The following NRXN3 variants were observed in gnomAD, a reference collection of about 807,000 sequenced individuals.
The protein encoded by NRXN3 is neurexin III.
In NRXN3, 32 loss-of-function variants were observed where a neutral mutation model predicts 137.6. The ratio of observed to expected loss-of-function variants is 0.23; its 90% CI spans 0.18 to 0.31. NRXN3 has a LOEUF of 0.31. NRXN3 is among the 10% of genes least tolerant of loss of function. The probability of loss-of-function intolerance (pLI) is 1.00; values close to 1 mark genes in which losing one functional copy is unlikely to be tolerated. For synonymous variants in NRXN3, 798 were observed against 784.5 expected (o/e 1.02, Z -0.29); for missense variants, 1,574 against 2,062.5 (o/e 0.76, Z 4.59).
chr14:79,857,655 AT>A (rs2099405674), intron 20 of NRXN3, among the ~76,000 whole-genome samples: 2 of 152,188 alleles, frequency 1.3e-5, no homozygotes, highest in African/African-American at 4.8e-5. Context: ...TAATATTAAA[AT>A]TAATTACACC....
chr14:79,238,301 T>C (rs151167967), intron 15 of NRXN3, among the ~76,000 whole-genome samples: 1 of 25,102 alleles, frequency 4.0e-5, no homozygotes, highest in African/African-American at 5.2e-5. Flanking sequence ...TTAGATTAGT[T>C]ACATGCCCAC....
At chr14:78,867,691 G>C (rs1467840525) in intron 10 of NRXN3, among the ~76,000 whole-genome samples, 2 of 152,190 alleles carry the variant, frequency 1.3e-5, no homozygotes, top group Admixed American at 6.5e-5. Context: ...TGAAAACATA[G>C]GGACACTGAA....
At chr14:78,291,713 TA>T (rs1305914331) in intron 3 of NRXN3, among the ~76,000 whole-genome samples, 2 of 152,192 alleles carry the variant, frequency 1.3e-5, no homozygotes, top group Non-Finnish European at 2.9e-5. Context: ...ATTACTCTTT[TA>T]AAAAGTCCTT....
At chr14:79,278,686 C>T (rs187211737) in intron 15 of NRXN3, among the ~76,000 whole-genome samples, 14 of 152,358 alleles carry the variant, frequency 9.2e-5, no homozygotes, top group Non-Finnish European at 1.6e-4. Flanking sequence ...AGTGTCCTAT[C>T]CACCACCGGG....
At chr14:78,298,128 G>A (rs537240429) in intron 4 of NRXN3, among the ~76,000 whole-genome samples, 3 of 152,350 alleles carry the variant, frequency 2.0e-5, no homozygotes, top group South Asian at 2.1e-4. Flanking sequence ...GGCTGCATCC[G>A]AGAGGGAAGC....
chr14:79,264,562 G>GCA (rs1441997063), intron 15 of NRXN3, among the ~76,000 whole-genome samples: 1 of 151,610 alleles, frequency 6.6e-6, no homozygotes, highest in East Asian at 1.9e-4. Flanking sequence ...GTGTGTGCGC[G>GCA]CGTGCATGTA....
In NRXN3 at chr14:78,711,727, C is replaced by A. The variant is rs538498474; in HGVS notation, c.1660+2072C>A. ...AAGTGCTGGGATTACAGGAGTAAGCCACTGTGCCAGGCCTGGCCAGTTTTT... is the reference window on the plus strand; with the variant it reads ...AAGTGCTGGGATTACAGGAGTAAGCAACTGTGCCAGGCCTGGCCAGTTTTT... On this transcript the variant is annotated intron_variant, in intron 7 of 20. Transcript: ENST00000335750. 7.2e-5 allele frequency among the ~76,000 whole-genome samples: 11 copies of A among 152,218 alleles called. No homozygotes were observed. In the East Asian group the frequency reaches 2.1e-3, roughly 29 times the overall value.
intron 19 of NRXN3, among the ~76,000 whole-genome samples, chr14:79,717,211 T>TCTC (rs1424657575): frequency 6.6e-6 from 1 of 152,152 alleles, no homozygotes; most frequent in African/African-American, 2.4e-5. Flanking sequence ...TTAGCTGCAA[T>TCTC]CTCTTCCTTA....
At chr14:79,332,146 G>A (rs2091771168) in intron 15 of NRXN3, among the ~76,000 whole-genome samples, 1 of 152,176 alleles carries the variant, frequency 6.6e-6, no homozygotes, top group Non-Finnish European at 1.5e-5. Flanking sequence ...CATTCCTGAA[G>A]GAGACCTTAA....
chr14:78,357,164 C>T (rs2084429999), intron 4 of NRXN3, among the ~76,000 whole-genome samples: 1 of 152,172 alleles, frequency 6.6e-6, no homozygotes, highest in South Asian at 2.1e-4. Flanking sequence ...TAATGAAGAA[C>T]TCGTGGTTTC....
At chr14:78,784,472 T>C (rs183841882) in intron 8 of NRXN3, among the ~76,000 whole-genome samples, 1 of 152,278 alleles carries the variant, frequency 6.6e-6, no homozygotes, top group Non-Finnish European at 1.5e-5. Context: ...GTGGTGCTAT[T>C]AATAATTACA....
chr14:79,461,836 G>T (rs1348699060), intron 15 of NRXN3, among the ~76,000 whole-genome samples: 1 of 152,014 alleles, frequency 6.6e-6, no homozygotes, highest in African/African-American at 2.4e-5. Flanking sequence ...TAATAAAAAA[G>T]AAATAAAGAA....
Position 79,565,071 on chromosome 14 carries a change from A to G in NRXN3, c.3444+97669A>G, listed in dbSNP as rs118022212. ...GGAACTGGTAATTTCATTTAAACCAAGCAGCATCAGCTGTCACATTAAATT... is the reference window on the plus strand; with the variant it reads ...GGAACTGGTAATTTCATTTAAACCAGGCAGCATCAGCTGTCACATTAAATT... On this transcript the variant is annotated intron_variant, in intron 16 of 20. Coordinates refer to ENST00000335750, the MANE Select transcript of NRXN3 (RefSeq NM_001330195.2). Among the ~76,000 whole-genome samples, 78 of 152,154 alleles carry G rather than the reference A, an allele frequency of 5.1e-4. 3 individuals carry two copies. The East Asian group carries it at 0.015, about 28-fold the overall frequency.
intron 6 of NRXN3, among the ~76,000 whole-genome samples, chr14:78,706,576 G>A (rs563267605): frequency 6.6e-5 from 10 of 152,208 alleles, no homozygotes; most frequent in South Asian, 4.2e-4. Context: ...CCTGTGGGCC[G>A]GTTCCCTAAC....
intron 10 of NRXN3, among the ~76,000 whole-genome samples, chr14:78,834,720 T>G (rs1261994557): frequency 1.3e-5 from 2 of 152,156 alleles, no homozygotes; most frequent in Non-Finnish European, 2.9e-5. Context: ...TTCCTCTGCC[T>G]TCTTGCTAAT....
chr14:79,837,823 A>G (rs11625881), intron 20 of NRXN3, among the ~76,000 whole-genome samples: 46,028 of 152,118 alleles, frequency 0.3, 7,812 homozygotes, highest in Admixed American at 0.42. Context: ...TAAGCTGCAC[A>G]GACATTTTCC....
rs987852504 is a variant in NRXN3 at position 79,775,870 on chromosome 14, T to G, written c.4015-29242T>G. Among the ~76,000 whole-genome samples, 15 of 152,294 alleles carry G rather than the reference T, an allele frequency of 9.8e-5. No homozygotes were observed. The South Asian group carries it at 2.9e-3, about 29-fold the overall frequency. ...AGATTAAATTGTTTCCAGGCTGTAC[T>G]TGATAGTTGGTAAGGATCAAACAAT... is the stretch of plus-strand genomic sequence containing the variant. On this transcript the variant is annotated intron_variant, in intron 19 of 20. Transcript: ENST00000335750.
At chr14:78,420,756 G>A (rs1041708249) in intron 4 of NRXN3, among the ~76,000 whole-genome samples, 1 of 152,208 alleles carries the variant, frequency 6.6e-6, no homozygotes, top group Non-Finnish European at 1.5e-5. Flanking sequence ...GATAGCTTAA[G>A]TGCCAATGAA....
At chr14:78,225,970 TGTTG>T (rs1412973270) in intron 1 of NRXN3, among the ~76,000 whole-genome samples, 8,556 of 128,600 alleles carry the variant, frequency 0.067, 317 homozygotes, top group African/African-American at 0.15. Flanking sequence ...TGTGTGTGTG[TGTTG>T]GTGTGTGTGT....
Sources: gnomAD v4.1 joint callset for allele counts (sites outside exome capture counted in the v4.1 genomes callset) on GRCh38, gnomAD v4.1.1 for gene constraint, MANE v1.5 for transcripts, NCBI Gene and HGNC (gene_info 2026-07-23, HGNC 2026-07-21) for gene names.